GRXCR1: variants seen among roughly 807,000 people sequenced by gnomAD.
GRXCR1 encodes glutaredoxin and cysteine rich domain containing 1.
Under a neutral mutation model 27.3 loss-of-function variants are expected in GRXCR1, and 27 were observed. The observed-to-expected ratio is 0.99, with a 90% CI of 0.73 to 1.37. The LOEUF is 1.37. Among genes scored for constraint, GRXCR1 ranks in the 40% most tolerant of loss-of-function variants. The probability of loss-of-function intolerance (pLI) is 0.00; values close to 1 mark genes in which losing one functional copy is unlikely to be tolerated. For missense variants in GRXCR1, 379 were observed against 354.4 expected (o/e 1.07, Z -0.56); for synonymous variants, 122 against 131.1 (o/e 0.93, Z 0.47).
At chr4:42,916,866 G>T (rs566002182) in intron 1 of GRXCR1, among the ~76,000 whole-genome samples, 1 of 151,990 alleles carries the variant, frequency 6.6e-6, no homozygotes, top group Non-Finnish European at 1.5e-5. Flanking sequence ...AATGAAGTTT[G>T]CAAGATGATG....
intron 1 of GRXCR1, among the ~76,000 whole-genome samples, chr4:42,940,355 T>A (rs529809794): frequency 3.3e-5 from 5 of 152,240 alleles, no homozygotes; most frequent in African/African-American, 9.6e-5. Flanking sequence ...TGCATCTGTC[T>A]CTATAGTTTT....
chr4:42,958,202 TGTGTC>T (rs1284840699), intron 1 of GRXCR1, among the ~76,000 whole-genome samples: 7 of 152,092 alleles, frequency 4.6e-5, no homozygotes, highest in Non-Finnish European at 7.4e-5. Context: ...ACCCTTGCTA[TGTGTC>T]TCTTGGCTGA....
intron 1 of GRXCR1, among the ~76,000 whole-genome samples, chr4:42,897,298 C>G (rs1164468824): frequency 1.3e-5 from 2 of 152,046 alleles, no homozygotes; most frequent in African/African-American, 4.8e-5. Context: ...ACATTTCAGA[C>G]AGCGATTTTT....
intron 2 of GRXCR1, among the ~76,000 whole-genome samples, chr4:42,987,033 TTTAGGGG>T (rs1711749498): frequency 1.3e-5 from 2 of 148,666 alleles, no homozygotes; most frequent in African/African-American, 2.5e-5. Context: ...TGTGTGTGTG[TTTAGGGG>T]GTAAGTGTTG....
chr4:42,964,641 A>C (rs569747431), intron 2 of GRXCR1, among the ~76,000 whole-genome samples: 4 of 152,106 alleles, frequency 2.6e-5, no homozygotes, highest in African/African-American at 9.6e-5. Context: ...CCAGCAATCA[A>C]AGTTATGTCT....
intron 2 of GRXCR1, among the ~76,000 whole-genome samples, chr4:42,991,816 T>C (rs1316714257): frequency 1.3e-5 from 2 of 152,120 alleles, no homozygotes; most frequent in Non-Finnish European, 2.9e-5. Flanking sequence ...ACCAGAAGAA[T>C]CAATTTTCAA....
At chr4:42,929,080 G>A (rs931128508) in intron 1 of GRXCR1, among the ~76,000 whole-genome samples, 34 of 151,924 alleles carry the variant, frequency 2.2e-4, no homozygotes, top group African/African-American at 7.7e-4. Flanking sequence ...TGCAAAAATT[G>A]CACACCTGGA....
chr4:42,966,582 A>G (rs1038158633), intron 2 of GRXCR1, among the ~76,000 whole-genome samples: 4 of 152,114 alleles, frequency 2.6e-5, no homozygotes, highest in Admixed American at 2.6e-4. Context: ...AACACTCACA[A>G]AATTTCTCAG....
At chr4:43,002,565 T>G (rs1330435023) in intron 2 of GRXCR1, among the ~76,000 whole-genome samples, 1 of 152,184 alleles carries the variant, frequency 6.6e-6, no homozygotes, top group Non-Finnish European at 1.5e-5. Flanking sequence ...GCAAAGCAAT[T>G]GTTTAAAGTA....
At chr4:42,899,802 G>A (rs888232507) in intron 1 of GRXCR1, among the ~76,000 whole-genome samples, 36 of 152,080 alleles carry the variant, frequency 2.4e-4, no homozygotes, top group African/African-American at 8.0e-4. Flanking sequence ...ATTTTTTCCT[G>A]GTTCATCAGA....
At chr4:42,909,760 C>A (rs978558167) in intron 1 of GRXCR1, among the ~76,000 whole-genome samples, 1 of 152,078 alleles carries the variant, frequency 6.6e-6, no homozygotes, top group Non-Finnish European at 1.5e-5. Context: ...CATGTTACTC[C>A]CCTGCTAAAA....
intron 1 of GRXCR1, among the ~76,000 whole-genome samples, chr4:42,932,652 AGAGAGAGAGAG>A (rs1747355849): frequency 1.5e-5 from 2 of 137,578 alleles, no homozygotes; most frequent in African/African-American, 5.4e-5. Context: ...AGAGAGAGAG[AGAGAGAGAGAG>A]AGGCAATCTG....
intron 1 of GRXCR1, among the ~76,000 whole-genome samples, chr4:42,931,383 T>C (rs1270686269): frequency 6.6e-6 from 1 of 151,978 alleles, no homozygotes; most frequent in Non-Finnish European, 1.5e-5. Flanking sequence ...TTTCTACTTC[T>C]CATCTTGTTT....
At chr4:42,910,454 G>A (rs550224508) in intron 1 of GRXCR1, among the ~76,000 whole-genome samples, 1 of 152,104 alleles carries the variant, frequency 6.6e-6, no homozygotes, top group Non-Finnish European at 1.5e-5. Flanking sequence ...CTAAAGAGCT[G>A]CCCCAAGAGA....
chr4:42,970,076 T>C (rs1361109084), intron 2 of GRXCR1, among the ~76,000 whole-genome samples: 1 of 152,120 alleles, frequency 6.6e-6, no homozygotes, highest in African/African-American at 2.4e-5. Context: ...AGCTCCAAAA[T>C]AATCTCCTGT....
rs112020017 is a variant in GRXCR1 at position 42,900,729 on chromosome 4, A to C, written c.384+7079A>C. ...AACTTAGAGTACCAAATGAATGGAG[A>C]CTAACGAGGGTCATCTTAGTTAAAA... On this transcript the variant is annotated intron_variant, in intron 1 of 3. Transcript: ENST00000399770. Among the ~76,000 whole-genome samples, 373 of 152,166 alleles carry C rather than the reference A, an allele frequency of 2.5e-3. 1 individual carries two copies. The highest frequency in any genetic ancestry group is 3.4e-3 in the Middle Eastern group (1 of 294).
chr4:43,013,129 A>G (rs894339893), intron 2 of GRXCR1, among the ~76,000 whole-genome samples: 2 of 152,234 alleles, frequency 1.3e-5, no homozygotes, highest in Non-Finnish European at 2.9e-5. Context: ...TTTAAAACAG[A>G]TCTTCCATTT....
intron 1 of GRXCR1, among the ~76,000 whole-genome samples, chr4:42,893,945 A>C (rs1182831837): frequency 1.3e-5 from 2 of 152,160 alleles, no homozygotes; most frequent in African/African-American, 4.8e-5. Flanking sequence ...GAAAAAGATA[A>C]AACTATGCTG....
chr4:42,992,759 G>A (rs1450528650), intron 2 of GRXCR1, among the ~76,000 whole-genome samples: 1 of 152,076 alleles, frequency 6.6e-6, no homozygotes, highest in Admixed American at 6.5e-5. Context: ...TGAGGTGATT[G>A]TGAGTGATGA....
Sources: gnomAD v4.1 joint callset for allele counts (sites outside exome capture counted in the v4.1 genomes callset) on GRCh38, gnomAD v4.1.1 for gene constraint, MANE v1.5 for transcripts, NCBI Gene and HGNC (gene_info 2026-07-23, HGNC 2026-07-21) for gene names.